CEACAM3: variants seen among roughly 807,000 people sequenced by gnomAD.
The protein encoded by CEACAM3 is cell adhesion molecule CEACAM3.
A neutral mutation model predicts 30.1 loss-of-function variants in CEACAM3; 32 were observed. The ratio of observed to expected loss-of-function variants is 1.06; its 90% CI spans 0.80 to 1.43. CEACAM3 has a LOEUF of 1.43. Among genes scored for constraint, CEACAM3 ranks in the 40% most tolerant of loss-of-function variants. CEACAM3 has a pLI of 0.00. For synonymous variants in CEACAM3, 134 were observed against 127.2 expected, an observed-to-expected ratio of 1.05 and a Z score of -0.36; for missense variants, 290 against 316.3, an observed-to-expected ratio of 0.92 and a Z score of 0.63.
Position 41,808,838 on chromosome 19 carries a change from G to T in CEACAM3, c.450G>T (p.Val150=). ...VYQENAPGLP[V]GAVAGIVTGV... is the part of the protein sequence containing the mutation. ...AAGAAAATGCCCCAGGCCTTCCTGT[G>T]GGGGCCGTCGCCGGCATCGTGACCG... Residue 150 remains valine (V), a synonymous_variant, in exon 3 of 7, where the codon GTG becomes GTT. Coordinates refer to ENST00000357396, the MANE Select transcript of CEACAM3 (RefSeq NM_001815.5). 1 of 1,612,300 alleles carries T rather than the reference G, an allele frequency of 6.2e-7. No homozygotes were observed. The highest frequency in any genetic ancestry group is 8.5e-7 in the Non-Finnish European group (1 of 1,179,030).
At chr19:41,809,167 T>G in intron 3 of CEACAM3, 1 of 403,044 alleles carries the variant, frequency 2.5e-6, no homozygotes, top group Non-Finnish European at 4.4e-6. Flanking sequence ...AGTGTGGCCC[T>G]AGTTCCCTCA....
intron 3 of CEACAM3, chr19:41,809,369 C>A: frequency 5.8e-6 from 1 of 171,154 alleles, no homozygotes; most frequent in South Asian, 1.6e-4. Context: ...CCTGGACAGG[C>A]TGGGTGGGGT....
chr19:41,807,053 G>A, intron 2 of CEACAM3: 1 of 1,605,534 alleles, frequency 6.2e-7, no homozygotes, highest in Non-Finnish European at 8.5e-7. Context: ...ATTAAAATAT[G>A]CCTGTGGAGG....
chr19:41,810,889 A>G lies in CEACAM3; in HGVS notation c.685A>G (p.Ile229Val), dbSNP rs782804712. The G allele has an allele frequency of 8.1e-6, 13 of 1,613,316 alleles. No homozygotes were observed. The African/African-American group carries it at 1.5e-4, about 18-fold the overall frequency. Residue 229 changes from isoleucine (I) to valine (V), a missense_variant, in exon 6 of 7, where the codon ATC (isoleucine) becomes GTC (valine). By Grantham distance (29) the Ile-to-Val change is conservative. Transcript: ENST00000357396. Reference protein sequence around the residue: ...PLPNPRTAASIYEELLKHDTN... With the variant: ...PLPNPRTAASVYEELLKHDTN... ...ACCCAACCCCAGGACAGCAGCTTCCATCTATGAGGTGAGTGTGGGCCACGG... is the reference window on the plus strand; with the variant it reads ...ACCCAACCCCAGGACAGCAGCTTCCGTCTATGAGGTGAGTGTGGGCCACGG...
At chr19:41,804,538 C>T (rs1555826460) in intron 2 of CEACAM3, among the ~76,000 whole-genome samples, 1 of 152,162 alleles carries the variant, frequency 6.6e-6, no homozygotes, top group African/African-American at 2.4e-5. Context: ...CATCACATCT[C>T]CTAATTTGGT....
At chr19:41,802,800 G>T (rs2073162642) in intron 2 of CEACAM3, among the ~76,000 whole-genome samples, 1 of 152,190 alleles carries the variant, frequency 6.6e-6, no homozygotes, top group African/African-American at 2.4e-5. Flanking sequence ...ACCTGCTGGG[G>T]TTTTATGGGA....
rs565000338 is a variant in CEACAM3 at position 41,810,354 on chromosome 19, G to A, written c.627G>A (p.Ser209=). The change falls in exon 5 of 7, where the codon TCG becomes TCA. Residue 209 remains serine, a splice_region_variant and synonymous_variant. Transcript: ENST00000357396. ...GRGPSHSSAF[S]MSPLSTAQAP... ...GTCCCTCCCACAGCTCTGCCTTCTC[G>A]GTAAGCCTGTCCCCTTCCAGCCCCT... 27 of 1,602,214 alleles carry A rather than the reference G, an allele frequency of 1.7e-5. No individual in the cohort carries two copies. In the East Asian group the frequency reaches 1.8e-4, roughly 11 times the overall value.
intron 2 of CEACAM3, 26 bp downstream of exon 2, chr19:41,797,974 G>C: frequency 6.3e-7 from 1 of 1,574,802 alleles, no homozygotes; most frequent in Non-Finnish European, 8.6e-7. Context: ...TGACCTCTGG[G>C]TGTTGGGGGT....
chr19:41,810,514 A>G (rs2073240816), intron 5 of CEACAM3, among the ~76,000 whole-genome samples, 160 bp downstream of exon 5: 1 of 151,824 alleles, frequency 6.6e-6, no homozygotes, highest in South Asian at 2.1e-4. Context: ...GCCTCCCTAC[A>G]GGGTCAGGAC....
intron 6 of CEACAM3, 63 bp downstream of exon 6, chr19:41,810,960 C>T: frequency 6.9e-7 from 1 of 1,456,272 alleles, no homozygotes; most frequent in Non-Finnish European, 9.5e-7. Flanking sequence ...TCTTCCCCTA[C>T]TGGCATCGGC....
chr19:41,803,712 C>CG, intron 2 of CEACAM3, among the ~76,000 whole-genome samples: 1 of 45,472 alleles, frequency 2.2e-5, no homozygotes. Flanking sequence ...ATGATCTGCC[C>CG]GCCTTGGCCT....
intron 3 of CEACAM3, chr19:41,809,599 G>A (rs2073232062): frequency 9.9e-6 from 2 of 202,650 alleles, no homozygotes; most frequent in East Asian, 2.7e-4. Flanking sequence ...AGACACTTGC[G>A]GTCCCCTCCG....
Position 41,809,822 on chromosome 19 carries a change from G to C in CEACAM3, c.543-143G>C, listed in dbSNP as rs549949173. 1.8e-5 allele frequency: 14 copies of C among 767,828 alleles called. No individual in the cohort carries two copies. In the East Asian group the frequency reaches 3.5e-4, roughly 19 times the overall value. The allele number at this position is 767,828 out of a possible 1,614,324, so 47.6% of individuals were successfully genotyped here. On this transcript the variant is annotated intron_variant, in intron 3 of 6. Coordinates refer to ENST00000357396, the MANE Select transcript of CEACAM3 (RefSeq NM_001815.5). ...CCTTTCCTCAACTCCCCTCTGCTGG[G>C]CTCCCCCTAACACAAACCTGAGGGA...
chr19:41,798,960 C>G (rs1194017185), intron 2 of CEACAM3, among the ~76,000 whole-genome samples: 1 of 152,198 alleles, frequency 6.6e-6, no homozygotes, highest in Non-Finnish European at 1.5e-5. Flanking sequence ...GCCACAGCTG[C>G]CTCTTCTCCA....
chr19:41,803,416 TTGTGTGTGTATG>T (rs1443614342), intron 2 of CEACAM3, among the ~76,000 whole-genome samples: 5 of 129,284 alleles, frequency 3.9e-5, no homozygotes, highest in East Asian at 4.3e-4. Context: ...CAGCAAAGTT[TTGTGTGTGTATG>T]TGTGTGTGTG....
intron 4 of CEACAM3, 72 bp from the exon 5 acceptor site, chr19:41,810,251 C>A: frequency 1.9e-6 from 3 of 1,543,646 alleles, no homozygotes; most frequent in Non-Finnish European, 2.7e-6. Context: ...AGCTGAGGAC[C>A]CCCTACGCCT....
chr19:41,796,689 C>A lies in CEACAM3; in HGVS notation c.12C>A (p.Pro4=), dbSNP rs143094016. 343 of 1,614,038 alleles carry A rather than the reference C, an allele frequency of 2.1e-4. No homozygotes were observed. Among genetic ancestry groups the A allele is most frequent in the Non-Finnish European group, 2.8e-4 (334 of 1,179,986 alleles). ...AGGCAGCAGAGACCATGGGGCCCCC[C>A]TCAGCCTCTCCCCACAGAGAATGCA... MGP[P]SASPHRECIP... is the part of the protein sequence containing the mutation. The change falls in exon 1 of 7, where the codon CCC becomes CCA. Residue 4 remains proline (P), a synonymous_variant. Coordinates refer to ENST00000357396, the MANE Select transcript of CEACAM3 (RefSeq NM_001815.5).
chr19:41,801,736 T>C (rs1236975024), intron 2 of CEACAM3, among the ~76,000 whole-genome samples: 1 of 152,120 alleles, frequency 6.6e-6, no homozygotes, highest in African/African-American at 2.4e-5. Flanking sequence ...ACAAGACCAC[T>C]GAATCATGGG....
At position 41,810,308 on chromosome 19, in the gene CEACAM3, T is replaced by C. The variant is rs782319908; in HGVS notation, c.596-15T>C. On this transcript the variant is annotated splice_polypyrimidine_tract_variant and intron_variant, in intron 4 of 6. Transcript: ENST00000357396. ...CTCCTCCCACCCTGCTGCTCACTCC[T>C]GTCTCTGTTTCCAGGCCGTGGTCCC... The C allele has an allele frequency of 6.2e-7, 1 of 1,603,250 alleles. No homozygotes were observed. The highest frequency in any genetic ancestry group is 8.5e-7 in the Non-Finnish European group (1 of 1,175,358).
Sources: gnomAD v4.1 joint callset for allele counts (sites outside exome capture counted in the v4.1 genomes callset) on GRCh38, gnomAD v4.1.1 for gene constraint, MANE v1.5 for transcripts, NCBI Gene and HGNC (gene_info 2026-07-23, HGNC 2026-07-21) for gene names.